The following SPIRE1 variants were observed in gnomAD, a reference collection of about 807,000 sequenced individuals.
The protein encoded by SPIRE1 is protein spire homolog 1.
Under a neutral mutation model 94.1 loss-of-function variants are expected in SPIRE1, and 40 were observed. The ratio of observed to expected loss-of-function variants is 0.43; its 90% CI spans 0.33 to 0.55. The LOEUF (loss-of-function observed/expected upper bound fraction) is 0.55, where lower values mean the gene tolerates loss of function less well. Among genes scored for constraint, SPIRE1 ranks in the 20% least tolerant of loss-of-function variants. The probability of loss-of-function intolerance (pLI) is 0.06; values close to 1 mark genes in which losing one functional copy is unlikely to be tolerated. For synonymous variants in SPIRE1, 376 were observed against 371.7 expected (o/e 1.01, Z -0.13); for missense variants, 838 against 975.2 (o/e 0.86, Z 1.87).
At chr18:12,556,742 C>A (rs1288040793) in intron 2 of SPIRE1, among the ~76,000 whole-genome samples, 5 of 152,164 alleles carry the variant, frequency 3.3e-5, no homozygotes, top group Non-Finnish European at 7.3e-5. Context: ...AGTGAAGCTG[C>A]AGACCTTGGC....
intron 9 of SPIRE1, among the ~76,000 whole-genome samples, chr18:12,482,510 C>T (rs2032880701): frequency 6.6e-6 from 1 of 152,088 alleles, no homozygotes; most frequent in Non-Finnish European, 1.5e-5. Flanking sequence ...AAAAAAAATA[C>T]TGTATTTTAA....
intron 2 of SPIRE1, among the ~76,000 whole-genome samples, chr18:12,609,091 G>A (rs149702020): frequency 6.6e-6 from 1 of 152,110 alleles, no homozygotes; most frequent in Non-Finnish European, 1.5e-5. Flanking sequence ...AATAGGGTTC[G>A]AGCTTCTATG....
chr18:12,468,150 T>C (rs1022267043), intron 10 of SPIRE1, among the ~76,000 whole-genome samples: 2 of 152,082 alleles, frequency 1.3e-5, no homozygotes, highest in Admixed American at 6.5e-5. Context: ...AATAAGCAAA[T>C]AGGTCAGAAT....
chr18:12,499,542 A>G (rs2033583837), intron 6 of SPIRE1, among the ~76,000 whole-genome samples: 1 of 152,034 alleles, frequency 6.6e-6, no homozygotes, highest in Non-Finnish European at 1.5e-5. Flanking sequence ...ATTCTGACAG[A>G]GAATAATGTT....
At chr18:12,453,015 A>G in intron 14 of SPIRE1, 53 bp downstream of exon 14, 2 of 1,176,750 alleles carry the variant, frequency 1.7e-6, no homozygotes, top group Admixed American at 2.5e-5. Context: ...GATAATTGGT[A>G]TTTCTCTTAC....
chr18:12,602,309 A>C (rs530206200), intron 2 of SPIRE1, among the ~76,000 whole-genome samples: 207 of 152,254 alleles, frequency 1.4e-3, no homozygotes, highest in Admixed American at 4.2e-3. Flanking sequence ...TGAAATGCAT[A>C]CTCAAAAGGT....
intron 12 of SPIRE1, among the ~76,000 whole-genome samples, chr18:12,456,931 G>A (rs757301733): frequency 5.3e-5 from 8 of 152,134 alleles, no homozygotes; most frequent in African/African-American, 9.7e-5. Flanking sequence ...TCTGCCTCCC[G>A]GGTTCAAGTG....
At chr18:12,480,015 G>C in intron 9 of SPIRE1, 144 bp from the exon 10 acceptor site, 2 of 588,708 alleles carry the variant, frequency 3.4e-6, no homozygotes, top group Non-Finnish European at 2.8e-6. Flanking sequence ...AACTTCTTCT[G>C]GTTGGATATT....
chr18:12,657,557 C>T lies in SPIRE1; in HGVS notation c.310G>A (p.Asp104Asn), dbSNP rs1425320641. ...GAVTLAPAAD[D>N]AGEPPPVAGK... ...GCAACTGGGGGCGGCTCTCCCGCGT[C>T]GTCGGCCGCGGGCGCCAGGGTGACG... Residue 104 changes from aspartate (D) to asparagine (N), a missense_variant, in exon 1 of 17, where the codon GAC (aspartate) becomes AAC (asparagine). Physicochemically the swap from Asp to Asn is conservative, Grantham distance 23 (BLOSUM62 1). Coordinates refer to ENST00000409402, the MANE Select transcript of SPIRE1 (RefSeq NM_001128626.2). 5 of 1,235,756 alleles carry T rather than the reference C, an allele frequency of 4.0e-6. No homozygotes were observed. Among genetic ancestry groups the T allele is most frequent in the Non-Finnish European group, 5.0e-6 (5 of 990,210 alleles). 76.5% of individuals were successfully genotyped at this position (1,235,756 alleles called of 1,614,324 possible).
At position 12,453,103 on chromosome 18, in the gene SPIRE1, G is replaced by A; in HGVS notation, c.1812C>T (p.Phe604=). Reference sequence around the variant, plus strand: ...ACTGACAGGTATAAGACCAAGTGAAGAAGGAAAACCTCCTGGTTCGGCAAC... The same window carrying A: ...ACTGACAGGTATAAGACCAAGTGAAAAAGGAAAACCTCCTGGTTCGGCAAC... ...CFCCRTRRFS[F]FTWSYTCQFC... is the part of the protein sequence containing the mutation. Residue 604 remains phenylalanine, a synonymous_variant, in exon 14 of 17, where the codon TTC becomes TTT. Transcript: ENST00000409402. 6.2e-7 allele frequency: 1 copy of A among 1,606,786 alleles called. No homozygotes were observed. Among genetic ancestry groups the A allele is most frequent in the Non-Finnish European group, 8.5e-7 (1 of 1,178,060 alleles).
chr18:12,495,536 A>ATC (rs1259983942), intron 7 of SPIRE1, among the ~76,000 whole-genome samples: 9 of 152,168 alleles, frequency 5.9e-5, no homozygotes, highest in Admixed American at 5.9e-4. Flanking sequence ...GTTTTGAGTA[A>ATC]AAGTATCCTA....
chr18:12,558,449 A>G (rs1251549486), intron 2 of SPIRE1, among the ~76,000 whole-genome samples: 1 of 152,214 alleles, frequency 6.6e-6, no homozygotes, highest in Non-Finnish European at 1.5e-5. Flanking sequence ...CGAAAGAACA[A>G]ACCTTTCACA....
At chr18:12,648,563 T>C (rs2038287791) in intron 1 of SPIRE1, among the ~76,000 whole-genome samples, 1 of 151,972 alleles carries the variant, frequency 6.6e-6, no homozygotes, top group South Asian at 2.1e-4. Flanking sequence ...CTAAATGCAA[T>C]ATGGTATCTC....
At chr18:12,571,360 C>A (rs1271370586) in intron 2 of SPIRE1, among the ~76,000 whole-genome samples, 2 of 152,198 alleles carry the variant, frequency 1.3e-5, no homozygotes, top group African/African-American at 4.8e-5. Context: ...CAGGCATGAG[C>A]CACCACACCT....
At chr18:12,493,007 G>C (rs1194082295) in intron 8 of SPIRE1, 65 bp downstream of exon 8, 13 of 1,506,396 alleles carry the variant, frequency 8.6e-6, no homozygotes, top group African/African-American at 1.4e-5. Context: ...TCATGGGGCT[G>C]GGTGTATAAA....
At chr18:12,472,428 T>C (rs933479479) in intron 10 of SPIRE1, among the ~76,000 whole-genome samples, 1 of 146,438 alleles carries the variant, frequency 6.8e-6, no homozygotes, top group African/African-American at 2.5e-5. Flanking sequence ...AGTGTAGTGG[T>C]ACAATCACAG....
At chr18:12,494,414 T>TCTACCATGACCTACCATC (rs998814945) in intron 7 of SPIRE1, among the ~76,000 whole-genome samples, 1 of 152,028 alleles carries the variant, frequency 6.6e-6, no homozygotes, top group Non-Finnish European at 1.5e-5. Flanking sequence ...CTCCTTCTGT[T>TCTACCATGACCTACCATC]CTACCATGAC....
rs999740783 is a variant in SPIRE1 at position 12,559,752 on chromosome 18, G to A, written c.373-12848C>T. On this transcript the variant is annotated intron_variant, in intron 2 of 16. Transcript: ENST00000409402. This position sits in a 1 kb window ranked among gnomAD's most constrained non-coding sequence, Gnocchi z 4.7. ...AACCAAAGCAAAAATTGACAAATGG[G>A]ATCACATGAAGTTAAATAGCTTTTG... 9.2e-5 allele frequency among the ~76,000 whole-genome samples: 14 copies of A among 152,210 alleles called. No individual in the cohort carries two copies. The highest frequency in any genetic ancestry group is 2.1e-4 in the Non-Finnish European group (14 of 68,036).
chr18:12,505,884 T>C (rs2033816348), intron 6 of SPIRE1, among the ~76,000 whole-genome samples: 1 of 152,058 alleles, frequency 6.6e-6, no homozygotes, highest in Non-Finnish European at 1.5e-5. Flanking sequence ...CAACCAGTAA[T>C]AAAACAAAGC....
Sources: gnomAD v4.1 joint callset for allele counts (sites outside exome capture counted in the v4.1 genomes callset) on GRCh38, gnomAD v4.1.1 for gene constraint, Gnocchi (gnomAD v3.1) non-coding constraint, MANE v1.5 for transcripts, NCBI Gene and HGNC (gene_info 2026-07-23, HGNC 2026-07-21) for gene names.